PAPLN: variants seen among roughly 807,000 people sequenced by gnomAD.
PAPLN encodes the protein papilin.
PAPLN carries 146 observed loss-of-function variants against 159.0 expected under a neutral mutation model. That is an observed-to-expected ratio of 0.92 (90% confidence interval 0.80 to 1.05). The LOEUF is 1.05. PAPLN is among the 50% of genes least tolerant of loss of function. The pLI is 0.00. For synonymous variants in PAPLN, 734 were observed against 702.9 expected, an observed-to-expected ratio of 1.04 and a Z score of -0.70; for missense variants, 1,720 against 1,743.9, an observed-to-expected ratio of 0.99 and a Z score of 0.24.
chr14:73,267,051 C>T (rs200898658), intron 25 of PAPLN, among the ~76,000 whole-genome samples: 1 of 152,308 alleles, frequency 6.6e-6, no homozygotes, highest in African/African-American at 2.4e-5. Flanking sequence ...GTTTCCTAAC[C>T]TCAGCACTGC....
chr14:73,267,885 C>A (rs1244415137), intron 25 of PAPLN, among the ~76,000 whole-genome samples: 1 of 152,200 alleles, frequency 6.6e-6, no homozygotes, highest in African/African-American at 2.4e-5. Flanking sequence ...AGACCCTATG[C>A]TGACATAGTG....
chr14:73,244,857 G>T, intron 3 of PAPLN, 98 bp downstream of exon 3: 1 of 906,498 alleles, frequency 1.1e-6, no homozygotes, highest in South Asian at 1.8e-5. Context: ...GCTAGCACTG[G>T]CCACATCAGC....
Position 73,251,680 on chromosome 14 carries a change from T to TG in PAPLN, c.691dup (p.Glu231GlyfsTer30). On this transcript the variant is annotated frameshift_variant, in exon 9 of 27. Transcript: ENST00000644200. LOFTEE classifies it high-confidence loss of function. ...TCTGCGCAGCTGTGAAGAATGTTCGTGGGGAATACTACCTCAATGGGCACT... is the reference window on the plus strand; with the variant it reads ...TCTGCGCAGCTGTGAAGAATGTTCGTGGGGGAATACTACCTCAATGGGCACT... 6.2e-7 allele frequency: 1 copy of TG among 1,613,366 alleles called. No homozygotes were observed. The highest frequency in any genetic ancestry group is 8.5e-7 in the Non-Finnish European group (1 of 1,179,962).
chr14:73,241,131 C>G (rs1883500231), intron 2 of PAPLN, among the ~76,000 whole-genome samples: 1 of 152,118 alleles, frequency 6.6e-6, no homozygotes, highest in Non-Finnish European at 1.5e-5. Flanking sequence ...AGAAGTGGAT[C>G]CCATAGATGA....
intron 16 of PAPLN, 123 bp from the exon 17 acceptor site, chr14:73,260,586 C>T (rs1051439811): frequency 8.0e-7 from 1 of 1,255,976 alleles, no homozygotes; most frequent in Non-Finnish European, 1.0e-6. Context: ...GGGGACACGT[C>T]CTCTCCCCCC....
chr14:73,264,854 C>A, intron 22 of PAPLN, 128 bp downstream of exon 22: 1 of 1,452,500 alleles, frequency 6.9e-7, no homozygotes, highest in Non-Finnish European at 9.3e-7. Context: ...CTCTGGGAGG[C>A]CAGGCCTAGA....
intron 19 of PAPLN, 159 bp downstream of exon 19, chr14:73,262,986 C>T: frequency 3.3e-6 from 2 of 600,332 alleles, no homozygotes; most frequent in Non-Finnish European, 5.2e-6. Context: ...CATCATTCTA[C>T]AGATGGAGAA....
intron 14 of PAPLN, among the ~76,000 whole-genome samples, chr14:73,256,107 C>T (rs1288575666): frequency 1.3e-5 from 2 of 152,140 alleles, no homozygotes; most frequent in African/African-American, 4.8e-5. Flanking sequence ...TGGGGCTCAC[C>T]AGCAGGAGAG....
intron 6 of PAPLN, 62 bp downstream of exon 6, chr14:73,250,176 C>T (rs1395087037): frequency 1.3e-6 from 2 of 1,500,782 alleles, no homozygotes; most frequent in Non-Finnish European, 1.8e-6. Flanking sequence ...GCGGGTGTTT[C>T]CCTGTCCATC....
chr14:73,250,236 C>T (rs1242121275), intron 6 of PAPLN, 122 bp downstream of exon 6: 5 of 1,313,562 alleles, frequency 3.8e-6, no homozygotes, highest in African/African-American at 1.5e-5. Flanking sequence ...CTCAAGTTAC[C>T]AGGACACCAA....
rs1887818243 is a variant in PAPLN at position 73,272,385 on chromosome 14, T to C, written c.3668-110T>C. 5.5e-6 allele frequency: 6 copies of C among 1,084,002 alleles called. No individual in the cohort carries two copies. In the South Asian group the frequency reaches 1.2e-4, roughly 22 times the overall value. The allele number at this position is 1,084,002 out of a possible 1,614,324, so 67.1% of individuals were successfully genotyped here. Reference sequence around the variant, plus strand: ...CAGGGTAAGTGCACTTCGTTTTCAATCTGGCAGTTATAATGCTGTGTTCCT... The same window carrying C: ...CAGGGTAAGTGCACTTCGTTTTCAACCTGGCAGTTATAATGCTGTGTTCCT... On this transcript the variant is annotated intron_variant, in intron 26 of 26. Coordinates refer to ENST00000644200, the MANE Select transcript of PAPLN (RefSeq NM_001365906.3).
intron 11 of PAPLN, among the ~76,000 whole-genome samples, 180 bp from the exon 12 acceptor site, chr14:73,253,574 G>T (rs932896478): frequency 1.1e-4 from 17 of 152,316 alleles, no homozygotes; most frequent in African/African-American, 3.8e-4. Context: ...AGAGAGCCAG[G>T]CCCGGTGGTG....
intron 5 of PAPLN, among the ~76,000 whole-genome samples, chr14:73,248,638 A>G (rs992525019): frequency 3.3e-5 from 5 of 150,722 alleles, no homozygotes; most frequent in Admixed American, 2.0e-4. Context: ...CCCCATCTCT[A>G]CCAAAAATAC....
At chr14:73,247,129 G>A (rs900508164) in intron 5 of PAPLN, among the ~76,000 whole-genome samples, 5 of 152,172 alleles carry the variant, frequency 3.3e-5, no homozygotes, top group Non-Finnish European at 5.9e-5. Flanking sequence ...CCCCGGGAGC[G>A]GTAGCAATGG....
Position 73,245,761 on chromosome 14 carries a change from T to A in PAPLN, c.231+65T>A, listed in dbSNP as rs1358187608. The A allele has an allele frequency of 1.8e-5, 28 of 1,519,592 alleles. No homozygotes were observed. Among genetic ancestry groups the A allele is most frequent in the Non-Finnish European group, 2.3e-5 (26 of 1,133,930 alleles). The allele number at this position is 1,519,592 out of a possible 1,614,324, so 94.1% of individuals were successfully genotyped here. On this transcript the variant is annotated intron_variant, in intron 4 of 26. Coordinates refer to ENST00000644200, the MANE Select transcript of PAPLN (RefSeq NM_001365906.3). The surrounding 1 kb of genome is among the most constrained non-coding windows in gnomAD (Gnocchi z 4.2). ...CAGCCCCTCCTGGCCGATTTCCCCATTGGGATGCCCGCTCCTGGCCGCGGG... is the reference window on the plus strand; with the variant it reads ...CAGCCCCTCCTGGCCGATTTCCCCAATGGGATGCCCGCTCCTGGCCGCGGG...
rs920503974 is a variant in PAPLN, at chr14:73,262,711, C to T, written c.2607C>T (p.Ala869=). 6 of 1,509,554 alleles carry T rather than the reference C, an allele frequency of 4.0e-6. No individual in the cohort carries two copies. The African/African-American group carries it at 5.6e-5, about 14-fold the overall frequency. 93.5% of individuals were successfully genotyped at this position (1,509,554 alleles called of 1,614,324 possible). A position where few individuals can be genotyped will look rare whatever the true frequency, so the allele number is the denominator to read the frequency against. ...ACCAACAGCCTGGGCCAGGGGAGGC[C>T]CCCCACACCCAGGCCTTTGGAGAAT... ...RQDQQPGPGE[A]PHTQAFGEWP... The change falls in exon 19 of 27, where the codon GCC becomes GCT. Residue 869 remains alanine, a synonymous_variant. Coordinates refer to ENST00000644200, the MANE Select transcript of PAPLN (RefSeq NM_001365906.3).
chr14:73,264,533 C>A, intron 21 of PAPLN, 55 bp from the exon 22 acceptor site: 1 of 1,558,892 alleles, frequency 6.4e-7, no homozygotes, highest in Non-Finnish European at 8.7e-7. Flanking sequence ...CCCGCCCTTC[C>A]TTCCACTCCC....
At position 73,245,439 on chromosome 14, in the gene PAPLN, A is replaced by C; in HGVS notation, c.171-197A>C. ...AAACTATAGGGTGGGTAGGGCTCTG[A>C]GTCCCGCTTCTCTGGAGTACCAACA... On this transcript the variant is annotated intron_variant, in intron 3 of 26. Transcript: ENST00000644200. This position sits in a 1 kb window ranked among gnomAD's most constrained non-coding sequence, Gnocchi z 4.2. 1.7e-6 allele frequency: 1 copy of C among 595,796 alleles called. No homozygotes were observed. The highest frequency in any genetic ancestry group is 2.9e-5 in the East Asian group (1 of 34,572). 36.9% of individuals were successfully genotyped at this position (595,796 alleles called of 1,614,324 possible). A position where few individuals can be genotyped will look rare whatever the true frequency, so the allele number is the denominator to read the frequency against.
At chr14:73,242,161 G>A (rs1594774014) in intron 2 of PAPLN, among the ~76,000 whole-genome samples, 1 of 152,258 alleles carries the variant, frequency 6.6e-6, no homozygotes, top group East Asian at 1.9e-4. Context: ...ACAGAGCACG[G>A]CTCTAGGATG....
Sources: allele counts gnomAD v4.1 joint callset (sites outside exome capture counted in the v4.1 genomes callset), GRCh38; gene constraint gnomAD v4.1.1; non-coding constraint Gnocchi (gnomAD v3.1); transcripts MANE v1.5; gene names NCBI Gene and HGNC (gene_info 2026-07-23, HGNC 2026-07-21).